LY9: variants seen among roughly 807,000 people sequenced by gnomAD.
The protein encoded by LY9 is T-lymphocyte surface antigen Ly-9.
Under a neutral mutation model 64.6 loss-of-function variants are expected in LY9, and 59 were observed. The observed-to-expected ratio is 0.91, with a 90% CI of 0.74 to 1.13. The LOEUF is 1.13. LY9 is among the 50% of genes most tolerant of loss of function. LY9 has a pLI of 0.00. For missense variants in LY9, 789 were observed against 797.2 expected (o/e 0.99, Z 0.12); for synonymous variants, 281 against 308.5 (o/e 0.91, Z 0.93).
chr1:160,808,492 C>T (rs987991185), intron 2 of LY9, among the ~76,000 whole-genome samples: 2 of 152,140 alleles, frequency 1.3e-5, no homozygotes, highest in African/African-American at 4.8e-5. Flanking sequence ...CAGCAGCTCC[C>T]TATGGTAGTT....
At chr1:160,803,457 C>G (rs1470470376) in intron 2 of LY9, among the ~76,000 whole-genome samples, 1 of 152,090 alleles carries the variant, frequency 6.6e-6, no homozygotes, top group African/African-American at 2.4e-5. Context: ...TTTGTGTCAT[C>G]TATGATTTTT....
intron 2 of LY9, among the ~76,000 whole-genome samples, chr1:160,806,830 G>A (rs1667031251): frequency 6.6e-6 from 1 of 152,088 alleles, no homozygotes; most frequent in South Asian, 2.1e-4. Context: ...TCAGCTCTTT[G>A]TCTCTTTGCC....
chr1:160,807,823 G>A (rs1272013539), intron 2 of LY9, among the ~76,000 whole-genome samples: 1 of 152,100 alleles, frequency 6.6e-6, no homozygotes. Context: ...GATTGGGTTG[G>A]GCAATCCCCA....
intron 5 of LY9, among the ~76,000 whole-genome samples, chr1:160,817,801 G>A (rs1448835915): frequency 1.3e-5 from 2 of 152,146 alleles, no homozygotes; most frequent in Non-Finnish European, 2.9e-5. Context: ...AAAAGGTACG[G>A]TCTACCCAGG....
At position 160,823,530 on chromosome 1, in the gene LY9, C is replaced by T. The variant is rs767486181; in HGVS notation, c.1564C>T (p.Leu522Phe). 8 of 1,614,100 alleles carry T rather than the reference C, an allele frequency of 5.0e-6. No individual in the cohort carries two copies. The highest frequency in any genetic ancestry group is 1.3e-5 in the African/African-American group (1 of 74,928). ...AGGATATGAGAAGCTGGACACTCCC[C>T]TCAGGCCTGCCAGGCAACAGCCTAC... is the stretch of plus-strand genomic sequence containing the variant. Reference protein sequence around the residue: ...SQGYEKLDTPLRPARQQPTPT... With the variant: ...SQGYEKLDTPFRPARQQPTPT... The change falls in exon 8 of 10, where the codon CTC becomes TTC. Residue 522 changes from leucine (L) to phenylalanine (F), a missense_variant. Leu to Phe is a conservative substitution (Grantham distance 22). Transcript: ENST00000263285.
intron 9 of LY9, among the ~76,000 whole-genome samples, chr1:160,827,048 C>T: frequency 6.6e-6 from 1 of 152,178 alleles, no homozygotes; most frequent in South Asian, 2.1e-4. Flanking sequence ...ATTTCCTGAG[C>T]CAAACTCTTG....
In LY9 at chr1:160,816,580, C is replaced by G. The variant is rs528579032; in HGVS notation, c.1073-14C>G. The G allele has an allele frequency of 4.2e-4, 662 of 1,577,616 alleles. 8 individuals carry two copies. In the South Asian group the frequency reaches 7.3e-3, roughly 17 times the overall value. ...AGGCCTGATTCCACATGGAGTCTGCCTCTCTCCTCACAGGCAGGCTGAGGA... is the reference window on the plus strand; with the variant it reads ...AGGCCTGATTCCACATGGAGTCTGCGTCTCTCCTCACAGGCAGGCTGAGGA... On this transcript the variant is annotated splice_polypyrimidine_tract_variant and intron_variant, in intron 4 of 9. Coordinates refer to ENST00000263285, the MANE Select transcript of LY9 (RefSeq NM_002348.4).
At chr1:160,799,071 A>G (rs1666185013) in intron 1 of LY9, 1 of 152,438 alleles carries the variant, frequency 6.6e-6, no homozygotes, top group Non-Finnish European at 1.5e-5. Flanking sequence ...CTGTATTAGT[A>G]CCACCAGCTA....
chr1:160,827,859 G>A lies in LY9; in HGVS notation c.*43G>A. 2 of 1,550,102 alleles carry A rather than the reference G, an allele frequency of 1.3e-6. No individual in the cohort carries two copies. ...GCCTCTCTCCTGGGACCGTGGGGTT[G>A]GAAAGTCAGCTGGACCTCATGGGGC... is the stretch of plus-strand genomic sequence containing the variant. On this transcript the variant is annotated 3_prime_UTR_variant, in exon 10 of 10. Transcript: ENST00000263285.
chr1:160,824,760 A>T (rs1668754675), intron 9 of LY9: 1 of 498,866 alleles, frequency 2.0e-6, no homozygotes, highest in Non-Finnish European at 2.6e-6. Context: ...CGGGTGGATC[A>T]CAAGGTCAGG....
intron 2 of LY9, 156 bp from the exon 3 acceptor site, chr1:160,813,480 G>GCT: frequency 3.1e-6 from 2 of 654,796 alleles, no homozygotes; most frequent in South Asian, 3.8e-5. Flanking sequence ...CAGAGGAGAG[G>GCT]CTGTCAACCC....
chr1:160,802,279 G>C (rs1666569733), intron 2 of LY9: 14 of 1,009,396 alleles, frequency 1.4e-5, no homozygotes, highest in Non-Finnish European at 1.5e-5. Flanking sequence ...AAGACTCCTC[G>C]GGCAGCATGC....
At position 160,819,137 on chromosome 1, in the gene LY9, C is replaced by A. The variant is rs59304405; in HGVS notation, c.1445-184C>A. On this transcript the variant is annotated intron_variant, in intron 6 of 9. Transcript: ENST00000263285. Reference sequence around the variant, plus strand: ...GAGCCTCCACCTCTGCAGAAAGTAGCCCTAGACTCTGGCCACCCCTTCACA... The same window carrying A: ...GAGCCTCCACCTCTGCAGAAAGTAGACCTAGACTCTGGCCACCCCTTCACA... Among the ~76,000 whole-genome samples the A allele has an allele frequency of 6.9e-3, 1,046 of 152,242 alleles. 11 individuals are homozygous for A. Among genetic ancestry groups the A allele is most frequent in the African/African-American group, 0.024 (992 of 41,514 alleles).
In LY9 at chr1:160,817,758, C is replaced by A. The variant is rs537152740; in HGVS notation, c.1343-460C>A. Among the ~76,000 whole-genome samples the A allele has an allele frequency of 3.7e-3, 565 of 152,296 alleles. 1 individual carries two copies. Among genetic ancestry groups the A allele is most frequent in the African/African-American group, 0.013 (536 of 41,556 alleles). The stretch of plus-strand genomic sequence containing the variant: ...AAAAGCTGGTTTCGAACCCTGAGCT[C>A]TATCTTCTGCTCTTCCGTAGAAGGA... On this transcript the variant is annotated intron_variant, in intron 5 of 9. Transcript: ENST00000263285.
chr1:160,807,006 T>G (rs1667048596), intron 2 of LY9, among the ~76,000 whole-genome samples: 1 of 152,206 alleles, frequency 6.6e-6, no homozygotes, highest in South Asian at 2.1e-4. Context: ...CAGCCTAATC[T>G]AGTTTATTGT....
intron 2 of LY9, among the ~76,000 whole-genome samples, chr1:160,800,663 T>C (rs2101740197): frequency 6.6e-6 from 1 of 152,298 alleles, no homozygotes; most frequent in African/African-American, 2.4e-5. Flanking sequence ...GTGACCATTG[T>C]ACTCAATAGA....
At chr1:160,801,261 G>A (rs956384407) in intron 2 of LY9, among the ~76,000 whole-genome samples, 1 of 152,080 alleles carries the variant, frequency 6.6e-6, no homozygotes, top group African/African-American at 2.4e-5. Context: ...ATTCTGACTG[G>A]AGTGAGATAA....
At position 160,824,188 on chromosome 1, in the gene LY9, C is replaced by A. The variant is rs2101837615; in HGVS notation, c.1838C>A (p.Thr613Asn). The change falls in exon 9 of 10, where the codon ACC becomes AAC. Residue 613 changes from threonine to asparagine, a missense_variant. Transcript: ENST00000263285. ...GCTGTTGGTGTGTTACAGGGAAAGA[C>A]CCCAGTTTCTCAGAAGGAAGAGAGC... Reference protein sequence around the residue: ...YAQVFNLQGKTPVSQKEESSA... With the variant: ...YAQVFNLQGKNPVSQKEESSA... 1 of 1,614,086 alleles carries A rather than the reference C, an allele frequency of 6.2e-7. No homozygotes were observed. Among genetic ancestry groups the A allele is most frequent in the Non-Finnish European group, 8.5e-7 (1 of 1,179,974 alleles).
chr1:160,803,024 G>A (rs1033138980), intron 2 of LY9, among the ~76,000 whole-genome samples: 4 of 151,992 alleles, frequency 2.6e-5, no homozygotes, highest in African/African-American at 7.3e-5. Context: ...ATTCATGCCC[G>A]TAATCCCAAC....
Sources: allele counts gnomAD v4.1 joint callset (sites outside exome capture counted in the v4.1 genomes callset), GRCh38; gene constraint gnomAD v4.1.1; transcripts MANE v1.5; gene names NCBI Gene and HGNC (gene_info 2026-07-23, HGNC 2026-07-21).